YAP1: variants seen among roughly 807,000 people sequenced by gnomAD.
The protein encoded by YAP1 is Yes1 associated transcriptional regulator, also known as transcriptional coactivator YAP1.
A neutral mutation model predicts 56.9 loss-of-function variants in YAP1; 5 were observed. That is an observed-to-expected ratio of 0.09 (90% CI 0.05 to 0.18). The LOEUF (loss-of-function observed/expected upper bound fraction) is 0.18, where lower values mean the gene tolerates loss of function less well. YAP1 is among the 10% of genes least tolerant of loss of function. YAP1 has a pLI of 1.00. For synonymous variants in YAP1, 265 were observed against 248.1 expected (o/e 1.07, Z -0.64); for missense variants, 539 against 651.8 (o/e 0.83, Z 1.88).
Position 102,185,858 on chromosome 11 carries a change from A to G in YAP1, c.689-160A>G, listed in dbSNP as rs186716646. On this transcript the variant is annotated intron_variant, in intron 3 of 8. Transcript: ENST00000282441. ...TCTTTTTAGTGGAGAAGAAGCAGGTATATAGGTTTACCTTTCTTCTCTGAA... is the reference window on the plus strand; with the variant it reads ...TCTTTTTAGTGGAGAAGAAGCAGGTGTATAGGTTTACCTTTCTTCTCTGAA... 6.9e-3 allele frequency among the ~76,000 whole-genome samples: 1,054 copies of G among 152,302 alleles called. 7 individuals are homozygous for G. Among genetic ancestry groups the G allele is most frequent in the Non-Finnish European group, 0.012 (799 of 68,032 alleles).
intron 7 of YAP1, among the ~76,000 whole-genome samples, chr11:102,225,830 A>C (rs1254124088): frequency 3.9e-5 from 6 of 152,158 alleles, no homozygotes; most frequent in African/African-American, 1.4e-4. Context: ...CATTGTTTGT[A>C]GGTGGTGGTG....
At chr11:102,178,621 G>C (rs1947403892) in intron 3 of YAP1, among the ~76,000 whole-genome samples, 1 of 152,122 alleles carries the variant, frequency 6.6e-6, no homozygotes, top group Non-Finnish European at 1.5e-5. Context: ...AGTAATACTA[G>C]TAGTAAATCT....
intron 2 of YAP1, among the ~76,000 whole-genome samples, chr11:102,131,088 G>C (rs1237052455): frequency 6.6e-6 from 1 of 152,152 alleles, no homozygotes; most frequent in Non-Finnish European, 1.5e-5. Context: ...CAATAAGCCA[G>C]TTCTCTCTCT....
intron 2 of YAP1, among the ~76,000 whole-genome samples, chr11:102,128,714 A>G (rs1334016982): frequency 2.0e-5 from 3 of 152,210 alleles, no homozygotes; most frequent in Non-Finnish European, 2.9e-5. Context: ...CATTGAATGG[A>G]CAGTCTAAGA....
intron 3 of YAP1, among the ~76,000 whole-genome samples, chr11:102,178,706 C>T (rs1025463815): frequency 2.0e-5 from 3 of 152,190 alleles, no homozygotes; most frequent in African/African-American, 4.8e-5. Context: ...CTACTACTCT[C>T]TTTTTGCTTA....
chr11:102,113,175 A>G (rs1445874539), intron 1 of YAP1, among the ~76,000 whole-genome samples: 1 of 152,210 alleles, frequency 6.6e-6, no homozygotes, highest in Admixed American at 6.5e-5. Context: ...AGGAAATTCT[A>G]ACTTTTTGAT....
chr11:102,198,055 T>C (rs1485908393), intron 4 of YAP1, among the ~76,000 whole-genome samples: 1 of 152,212 alleles, frequency 6.6e-6, no homozygotes, highest in African/African-American at 2.4e-5. Flanking sequence ...GTTCTTTCTA[T>C]GGAAACCTTG....
At chr11:102,217,697 CT>C (rs924951857) in intron 6 of YAP1, among the ~76,000 whole-genome samples, 9 of 149,054 alleles carry the variant, frequency 6.0e-5, no homozygotes, top group African/African-American at 9.8e-5. Flanking sequence ...GGATGATTAT[CT>C]TTTTTTTTTG....
At chr11:102,216,341 TA>T (rs923907361) in intron 6 of YAP1, among the ~76,000 whole-genome samples, 4 of 151,560 alleles carry the variant, frequency 2.6e-5, no homozygotes, top group South Asian at 2.1e-4. Flanking sequence ...TTTGCTACTT[TA>T]AAAAAAAATC....
At chr11:102,169,121 A>G (rs1322280676) in intron 3 of YAP1, among the ~76,000 whole-genome samples, 1 of 152,216 alleles carries the variant, frequency 6.6e-6, no homozygotes, top group Non-Finnish European at 1.5e-5. Context: ...TGGACAAGTT[A>G]CTGTATCTAC....
chr11:102,127,551 G>C (rs963230997), intron 2 of YAP1, among the ~76,000 whole-genome samples: 1 of 152,252 alleles, frequency 6.6e-6, no homozygotes, highest in African/African-American at 2.4e-5. Flanking sequence ...GCCTGGATGT[G>C]TGGGCAAAAG....
intron 2 of YAP1, among the ~76,000 whole-genome samples, chr11:102,162,237 T>C (rs1032223273): frequency 6.6e-6 from 1 of 152,188 alleles, no homozygotes; most frequent in Non-Finnish European, 1.5e-5. Flanking sequence ...GGCATAACTT[T>C]TTCAGATGTT....
In YAP1 at chr11:102,158,660, CTCTT is replaced by C. The variant is rs577185530; in HGVS notation, c.573-3791_573-3788del. On this transcript the variant is annotated intron_variant, in intron 2 of 8. Coordinates refer to ENST00000282441, the MANE Select transcript of YAP1 (RefSeq NM_001130145.3). Reference sequence around the variant, plus strand: ...TCACAGTACCAGTATCAATGTTAATCTCTTTCTTAGTATATTATTTTTAGTTATT... The same window carrying C: ...TCACAGTACCAGTATCAATGTTAATCTCTTAGTATATTATTTTTAGTTATT... Among the ~76,000 whole-genome samples, 234 of 152,294 alleles carry C rather than the reference CTCTT, an allele frequency of 1.5e-3. 1 individual carries two copies. Among genetic ancestry groups the C allele is most frequent in the African/African-American group, 5.5e-3 (228 of 41,562 alleles).
At chr11:102,154,100 A>G (rs1945814205) in intron 2 of YAP1, among the ~76,000 whole-genome samples, 1 of 152,172 alleles carries the variant, frequency 6.6e-6, no homozygotes, top group African/African-American at 2.4e-5. Flanking sequence ...GTGATAATAT[A>G]TTTCATAGTA....
At position 102,199,375 on chromosome 11, in the gene YAP1, C is replaced by T. The variant is rs147366055; in HGVS notation, c.803-6518C>T. On this transcript the variant is annotated intron_variant, in intron 4 of 8. Transcript: ENST00000282441. ...GTAACAGATAAGAGCAATTTTATTA[C>T]ATGAGGTTGTTGGTGCCTGGCAAAT... Among the ~76,000 whole-genome samples the T allele has an allele frequency of 3.0e-3, 455 of 152,280 alleles. 5 individuals carry two copies. Among genetic ancestry groups the T allele is most frequent in the African/African-American group, 0.01 (425 of 41,562 alleles).
chr11:102,145,892 G>T (rs1278444683), intron 2 of YAP1, among the ~76,000 whole-genome samples: 3 of 152,086 alleles, frequency 2.0e-5, no homozygotes, highest in Admixed American at 2.0e-4. Flanking sequence ...TTTGATTCCT[G>T]ACTGTCTTGA....
Position 102,110,905 on chromosome 11 carries a change from G to T in YAP1, c.57G>T (p.Pro19=). 7.0e-7 allele frequency: 1 copy of T among 1,433,856 alleles called. No homozygotes were observed. The allele number at this position is 1,433,856 out of a possible 1,614,324, so 88.8% of individuals were successfully genotyped here. The part of the protein sequence containing the change: ...PQPAPQGQGQ[P]PSQPPQGQGP... ...CGGCCCCCCAGGGCCAAGGGCAGCC[G>T]CCTTCGCAGCCCCCGCAGGGGCAGG... Residue 19 remains proline, a synonymous_variant, in exon 1 of 9, where the codon CCG becomes CCT. Transcript: ENST00000282441.
intron 3 of YAP1, among the ~76,000 whole-genome samples, chr11:102,178,706 CTT>C (rs556139987): frequency 2.6e-5 from 4 of 152,190 alleles, no homozygotes; most frequent in Non-Finnish European, 5.9e-5. Context: ...CTACTACTCT[CTT>C]TTTGCTTATC....
At chr11:102,123,213 T>G (rs1943792215) in intron 2 of YAP1, among the ~76,000 whole-genome samples, 1 of 152,156 alleles carries the variant, frequency 6.6e-6, no homozygotes, top group Non-Finnish European at 1.5e-5. Flanking sequence ...TCTGGAAAAT[T>G]CTGTATTTCC....
Sources: allele counts gnomAD v4.1 joint callset (sites outside exome capture counted in the v4.1 genomes callset), GRCh38; gene constraint gnomAD v4.1.1; transcripts MANE v1.5; gene names NCBI Gene and HGNC (gene_info 2026-07-23, HGNC 2026-07-21).